PRKCA: variants seen among roughly 807,000 people sequenced by gnomAD.
PRKCA encodes protein kinase C alpha.
A neutral mutation model predicts 87.0 loss-of-function variants in PRKCA; 27 were observed. That is an observed-to-expected ratio of 0.31 (90% confidence interval 0.23 to 0.43). The LOEUF is 0.43. Among genes scored for constraint, PRKCA ranks in the 20% least tolerant of loss-of-function variants. The probability of loss-of-function intolerance (pLI) is 1.00; values close to 1 mark genes in which losing one functional copy is unlikely to be tolerated. For missense variants in PRKCA, 518 were observed against 852.3 expected (o/e 0.61, Z 4.88); for synonymous variants, 329 against 311.1 (o/e 1.06, Z -0.61).
At chr17:66,765,304 T>G (rs1846087423) in intron 13 of PRKCA, among the ~76,000 whole-genome samples, 1 of 150,678 alleles carries the variant, frequency 6.6e-6, no homozygotes, top group South Asian at 2.1e-4. Context: ...TCCCAGCTAC[T>G]CGGGAGACTG....
At chr17:66,573,986 T>G (rs1308689708) in intron 3 of PRKCA, among the ~76,000 whole-genome samples, 2 of 152,274 alleles carry the variant, frequency 1.3e-5, no homozygotes, top group East Asian at 3.9e-4. Flanking sequence ...TTAAAATTTT[T>G]TATATGGCCC....
chr17:66,649,379 C>T (rs1299609224), intron 5 of PRKCA, among the ~76,000 whole-genome samples: 2 of 152,216 alleles, frequency 1.3e-5, no homozygotes, highest in Non-Finnish European at 2.9e-5. Context: ...AGTGCTTGCT[C>T]TATATTTATT....
intron 2 of PRKCA, among the ~76,000 whole-genome samples, chr17:66,476,842 T>C (rs1915555030): frequency 6.6e-6 from 1 of 152,210 alleles, no homozygotes; most frequent in Non-Finnish European, 1.5e-5. Flanking sequence ...ATAAATTTGC[T>C]TTCCCTTCAA....
chr17:66,587,889 G>GTATATATATA (rs1231113103), intron 3 of PRKCA, among the ~76,000 whole-genome samples: 2 of 94,230 alleles, frequency 2.1e-5, no homozygotes, highest in Admixed American at 1.1e-4. Flanking sequence ...GTGTGTGTGT[G>GTATATATATA]TGTGTGTATA....
In PRKCA at chr17:66,805,161, AGT is replaced by A. The variant is rs1976000887; in HGVS notation, c.*1125_*1126del. 1 of 975,954 alleles carries A rather than the reference AGT, an allele frequency of 1.0e-6. No homozygotes were observed. The highest frequency in any genetic ancestry group is 4.7e-5 in the South Asian group (1 of 21,126). The allele number at this position is 975,954 out of a possible 1,614,324, so 60.5% of individuals were successfully genotyped here. A position where few individuals can be genotyped will look rare whatever the true frequency, so the allele number is the denominator to read the frequency against. On this transcript the variant is annotated 3_prime_UTR_variant, in exon 17 of 17. Coordinates refer to ENST00000413366, the MANE Select transcript of PRKCA (RefSeq NM_002737.3). ...GAATATGGTTTTGGTTCCCATTTCT[AGT>A]TCACGTTGAATGACAGGCCTGGAGC...
At chr17:66,329,028 G>A (rs1260387180) in intron 2 of PRKCA, among the ~76,000 whole-genome samples, 1 of 152,226 alleles carries the variant, frequency 6.6e-6, no homozygotes, top group Non-Finnish European at 1.5e-5. Flanking sequence ...GGAGGATCAT[G>A]CCTACTGTTA....
chr17:66,626,978 C>T (rs1970875239), intron 3 of PRKCA, among the ~76,000 whole-genome samples: 1 of 152,154 alleles, frequency 6.6e-6, no homozygotes, highest in Non-Finnish European at 1.5e-5. Flanking sequence ...CCCCTTTATT[C>T]CAGCCACCAT....
chr17:66,504,768 C>G (rs1916896954), intron 3 of PRKCA, among the ~76,000 whole-genome samples: 1 of 152,150 alleles, frequency 6.6e-6, no homozygotes, highest in Non-Finnish European at 1.5e-5. Flanking sequence ...CATCATTTTC[C>G]TTTGAAAATA....
chr17:66,358,910 T>G (rs1908225652), intron 2 of PRKCA, among the ~76,000 whole-genome samples: 1 of 151,956 alleles, frequency 6.6e-6, no homozygotes, highest in South Asian at 2.1e-4. Flanking sequence ...TAACAGGATA[T>G]TAGGATGAGA....
At chr17:66,517,842 G>A (rs906697219) in intron 3 of PRKCA, among the ~76,000 whole-genome samples, 1 of 152,098 alleles carries the variant, frequency 6.6e-6, no homozygotes, top group African/African-American at 2.4e-5. Context: ...AGCAGTTTCT[G>A]CTTATCAGTT....
intron 2 of PRKCA, among the ~76,000 whole-genome samples, chr17:66,429,805 A>T (rs1913007843): frequency 6.6e-6 from 1 of 152,162 alleles, no homozygotes; most frequent in Non-Finnish European, 1.5e-5. Flanking sequence ...AATTAATGTG[A>T]CGGATAGGAA....
At chr17:66,796,906 G>A (rs184188157) in intron 16 of PRKCA, 55 of 985,334 alleles carry the variant, frequency 5.6e-5, no homozygotes, top group South Asian at 9.4e-5. Context: ...CTCCCACCTC[G>A]TTAGGTTTCC....
rs550223382 is a variant in PRKCA at position 66,339,071 on chromosome 17, A to C, written c.205+32944A>C. Among the ~76,000 whole-genome samples, 248 of 152,300 alleles carry C rather than the reference A, an allele frequency of 1.6e-3. 2 individuals carry two copies. Among genetic ancestry groups the C allele is most frequent in the African/African-American group, 5.6e-3 (231 of 41,566 alleles). Reference sequence around the variant, plus strand: ...GGTTAAGGAATGGATGATAACTTTGATTCTGAGAGCTCTTGCGCTATCAGA... The same window carrying C: ...GGTTAAGGAATGGATGATAACTTTGCTTCTGAGAGCTCTTGCGCTATCAGA... On this transcript the variant is annotated intron_variant, in intron 2 of 16. Transcript: ENST00000413366.
At chr17:66,737,894 A>G (rs1239373634) in intron 10 of PRKCA, among the ~76,000 whole-genome samples, 1 of 152,234 alleles carries the variant, frequency 6.6e-6, no homozygotes, top group East Asian at 1.9e-4. Flanking sequence ...ATAACAGGAA[A>G]GCTAGAGACT....
At position 66,804,978 on chromosome 17, in the gene PRKCA, C is replaced by T. The variant is rs1975996952; in HGVS notation, c.*941C>T. 5 of 984,760 alleles carry T rather than the reference C, an allele frequency of 5.1e-6. No homozygotes were observed. The highest frequency in any genetic ancestry group is 1.1e-4 in the East Asian group (1 of 8,804). 61.0% of individuals were successfully genotyped at this position (984,760 alleles called of 1,614,324 possible). A position where few individuals can be genotyped will look rare whatever the true frequency, so the allele number is the denominator to read the frequency against. On this transcript the variant is annotated 3_prime_UTR_variant, in exon 17 of 17. Transcript: ENST00000413366. ...CCTTCTCAAGAAGCTGAAGTGTACG[C>T]CCTCTCCCCTTTTGTGCTTATTTAT...
chr17:66,483,832 T>C (rs1915885028), intron 2 of PRKCA, among the ~76,000 whole-genome samples: 1 of 152,118 alleles, frequency 6.6e-6, no homozygotes, highest in Non-Finnish European at 1.5e-5. Flanking sequence ...TGTGACCCCA[T>C]CTTCTCTAAT....
chr17:66,658,565 G>A (rs1319949945), intron 5 of PRKCA, among the ~76,000 whole-genome samples: 1 of 152,136 alleles, frequency 6.6e-6, no homozygotes, highest in Non-Finnish European at 1.5e-5. Flanking sequence ...ACAACCTGTG[G>A]GGATTATGAG....
At chr17:66,564,000 TTCC>T (rs200132989) in intron 3 of PRKCA, among the ~76,000 whole-genome samples, 5,900 of 133,464 alleles carry the variant, frequency 0.044, 146 homozygotes, top group East Asian at 0.06. Context: ...CCTTCCTTCC[TTCC>T]TCCTTTCTTT....
intron 2 of PRKCA, among the ~76,000 whole-genome samples, chr17:66,340,384 T>TG (rs1311203776): frequency 1.3e-5 from 2 of 151,246 alleles, no homozygotes; most frequent in Non-Finnish European, 2.9e-5. Flanking sequence ...TTTTTTCTTT[T>TG]TTTTTTTTGG....
Sources: allele counts gnomAD v4.1 joint callset (sites outside exome capture counted in the v4.1 genomes callset), GRCh38; gene constraint gnomAD v4.1.1; transcripts MANE v1.5; gene names NCBI Gene and HGNC (gene_info 2026-07-23, HGNC 2026-07-21).